The following ADGRD2 variants were observed in gnomAD, a reference collection of about 807,000 sequenced individuals.
The protein encoded by ADGRD2 is G protein-coupled receptor PGR24.
Under a neutral mutation model 44.4 loss-of-function variants are expected in ADGRD2, and 71 were observed. The ratio of observed to expected loss-of-function variants is 1.60; its 90% CI spans 1.32 to 1.95. ADGRD2 has a LOEUF of 1.95. Ranked by LOEUF, ADGRD2 falls within the 30% of genes most tolerant of loss-of-function variation. The probability of loss-of-function intolerance (pLI) is 0.00; values close to 1 mark genes in which losing one functional copy is unlikely to be tolerated. For synonymous variants in ADGRD2, 481 were observed against 224.8 expected (o/e 2.14, Z -10.19); for missense variants, 1,039 against 512.4 (o/e 2.03, Z -9.92).
chr9:124,457,592 G>A (rs1017485537), exon 8 of ADGRD2: 13 of 659,206 alleles, frequency 2.0e-5, no homozygotes, highest in Admixed American at 6.7e-5. Context: ...GAAGTGAGGC[G>A]ACTCCTCAGG....
chr9:124,477,010 C>A (rs776969324), intron 21 of ADGRD2: 10 of 648,776 alleles, frequency 1.5e-5, no homozygotes, highest in South Asian at 1.5e-4. Flanking sequence ...GGGGCGCTGC[C>A]AAGGAGCACA....
chr9:124,477,876 G>A (rs1021978997), intron 21 of ADGRD2, among the ~76,000 whole-genome samples: 10 of 151,698 alleles, frequency 6.6e-5, no homozygotes, highest in Non-Finnish European at 1.0e-4. Context: ...GCGCTCAAGT[G>A]ACGGCGCCTT....
At chr9:124,477,379 GTGAC>G (rs1319113120) in intron 21 of ADGRD2, among the ~76,000 whole-genome samples, 2 of 152,248 alleles carry the variant, frequency 1.3e-5, no homozygotes. Context: ...CCTCCGCCAG[GTGAC>G]TGTTTCCAGC....
intron 10 of ADGRD2, among the ~76,000 whole-genome samples, chr9:124,459,229 C>T (rs1391652003): frequency 6.6e-6 from 1 of 152,204 alleles, no homozygotes; most frequent in African/African-American, 2.4e-5. Flanking sequence ...CGGTGGCTTA[C>T]GCCTGTAATC....
At chr9:124,451,997 G>GCCGGGGGGCCCCCCCC, upstream of ADGRD2, 2 of 360,938 alleles carry the variant, frequency 5.5e-6, no homozygotes, top group Non-Finnish European at 1.1e-5. Context: ...TCCACTGAAT[G>GCCGGGGGGCCCCCCCC]CCCCCCTCCC....
intron 14 of ADGRD2, 67 bp from the exon 18 acceptor site, chr9:124,469,155 G>A (rs1434316916): frequency 2.3e-5 from 15 of 658,596 alleles, no homozygotes; most frequent in Middle Eastern, 5.5e-4. Context: ...CTTGGGGGGC[G>A]GATCCTGGGT....
chr9:124,476,670 T>C lies in ADGRD2; in HGVS notation c.2905-9T>C. 1.4e-6 allele frequency: 1 copy of C among 701,986 alleles called. No individual in the cohort carries two copies. Among genetic ancestry groups the C allele is most frequent in the Non-Finnish European group, 2.6e-6 (1 of 384,388 alleles). The allele number at this position is 701,986 out of a possible 1,614,324, so 43.5% of individuals were successfully genotyped here. ...GGGGCCACCCCCGTGACAGCCCCTC[T>C]GTCCTCAGGCTGTGGAACTGACAGC... On this transcript the variant is annotated splice_polypyrimidine_tract_variant and intron_variant, in intron 20 of 21. Coordinates refer to ENST00000334810, the Ensembl canonical transcript of ADGRD2.
At chr9:124,453,569 G>C (rs998678601) in exon 3 of ADGRD2, 13 of 698,148 alleles carry the variant, frequency 1.9e-5, no homozygotes, top group African/African-American at 3.5e-5. Context: ...CACCGGGCAC[G>C]GGCCTGCGCG....
chr9:124,470,993 C>T (rs1831936363), intron 17 of ADGRD2, among the ~76,000 whole-genome samples: 1 of 152,222 alleles, frequency 6.6e-6, no homozygotes, highest in East Asian at 1.9e-4. Flanking sequence ...AGTCACCTCC[C>T]CCTTGGGGTC....
intron 7 of ADGRD2, among the ~76,000 whole-genome samples, chr9:124,456,993 C>T (rs1452730541): frequency 6.6e-6 from 1 of 152,252 alleles, no homozygotes; most frequent in Non-Finnish European, 1.5e-5. Context: ...ACAGTTCCTC[C>T]CGCCTCTGTT....
At chr9:124,451,303 A>G (rs1831463017), upstream of ADGRD2, 1 of 454,068 alleles carries the variant, frequency 2.2e-6, no homozygotes, top group Non-Finnish European at 4.5e-6. Context: ...CACCCGCTGC[A>G]GGGACCCTGA....
chr9:124,453,715 G>GCCCCCC, intron 3 of ADGRD2, 39 bp downstream of exon 6: 1 of 234,978 alleles, frequency 4.3e-6, no homozygotes, highest in South Asian at 2.3e-5. Context: ...CCATGGCCCC[G>GCCCCCC]AATCCTTCCC....
chr9:124,452,436 T>C, intron 1 of ADGRD2, 74 bp from the exon 5 acceptor site: 1 of 715,000 alleles, frequency 1.4e-6, no homozygotes, highest in Non-Finnish European at 2.6e-6. Flanking sequence ...CCCAGTGTCC[T>C]TGGCTCCGCC....
intron 6 of ADGRD2, among the ~76,000 whole-genome samples, chr9:124,455,446 C>T (rs138583495): frequency 2.0e-5 from 3 of 152,172 alleles, no homozygotes; most frequent in African/African-American, 7.2e-5. Context: ...CAAAATTAGC[C>T]AGGCCTGGTA....
At chr9:124,467,668 G>T in intron 11 of ADGRD2, 53 bp from the exon 15 acceptor site, 1 of 714,034 alleles carries the variant, frequency 1.4e-6, no homozygotes. Context: ...GCGAGTTCTG[G>T]CCTGGGTTGG....
chr9:124,457,818 C>T (rs1293864084), intron 8 of ADGRD2, among the ~76,000 whole-genome samples: 1 of 152,244 alleles, frequency 6.6e-6, no homozygotes, highest in Non-Finnish European at 1.5e-5. Flanking sequence ...CCACACACAT[C>T]TTCCCTCGGG....
At chr9:124,475,576 G>A (rs377539709) in exon 19 of ADGRD2, 3 of 713,982 alleles carry the variant, frequency 4.2e-6, no homozygotes, top group Non-Finnish European at 5.2e-6. Context: ...CCCAGGTGCG[G>A]AGCGCCCTGC....
exon 2 of ADGRD2, chr9:124,452,668 G>T: frequency 1.4e-6 from 1 of 717,448 alleles, no homozygotes; most frequent in South Asian, 1.5e-5. Flanking sequence ...ACGGCTGCGC[G>T]ATCCGGTCTG....
At chr9:124,457,396 A>G in intron 7 of ADGRD2, 76 bp from the exon 11 acceptor site, 1 of 501,750 alleles carries the variant, frequency 2.0e-6, no homozygotes, top group East Asian at 3.0e-5. Flanking sequence ...GGAGGGATCC[A>G]GACCCTGCTA....
Sources: gnomAD v4.1 joint callset for allele counts (sites outside exome capture counted in the v4.1 genomes callset) on GRCh38, gnomAD v4.1.1 for gene constraint, MANE v1.5 for transcripts, NCBI Gene and HGNC (gene_info 2026-07-23, HGNC 2026-07-21) for gene names.